DOK6: variants seen among roughly 807,000 people sequenced by gnomAD.
DOK6 encodes the protein docking protein 6, also known as downstream of tyrosine kinase 6.
In DOK6, 22 loss-of-function variants were observed where a neutral mutation model predicts 44.0. The observed-to-expected ratio is 0.50, with a 90% CI of 0.36 to 0.71. DOK6 has a LOEUF of 0.71. Among genes scored for constraint, DOK6 ranks in the 30% least tolerant of loss-of-function variants. The pLI, the probability that DOK6 is intolerant of heterozygous loss-of-function variation, is 0.00. For missense variants in DOK6, 340 were observed against 416.4 expected (o/e 0.82, Z 1.60); for synonymous variants, 166 against 145.5 (o/e 1.14, Z -1.01).
At chr18:69,716,943 G>T (rs1167587217) in intron 5 of DOK6, among the ~76,000 whole-genome samples, 1 of 152,132 alleles carries the variant, frequency 6.6e-6, no homozygotes, top group Non-Finnish European at 1.5e-5. Context: ...TCATTTAAAT[G>T]CATGTCTGGC....
chr18:69,519,664 A>G (rs1981633403), intron 1 of DOK6, among the ~76,000 whole-genome samples: 1 of 151,942 alleles, frequency 6.6e-6, no homozygotes, highest in South Asian at 2.1e-4. Flanking sequence ...TGGAGTGGAG[A>G]CTAAAATGCA....
At chr18:69,428,247 T>A (rs1978699698) in intron 1 of DOK6, among the ~76,000 whole-genome samples, 1 of 152,066 alleles carries the variant, frequency 6.6e-6, no homozygotes, top group Admixed American at 6.5e-5. Flanking sequence ...ATTTCTATAG[T>A]AATCTGCACT....
At chr18:69,410,735 G>A (rs80158261) in intron 1 of DOK6, among the ~76,000 whole-genome samples, 8,564 of 152,222 alleles carry the variant, frequency 0.056, 274 homozygotes, top group Middle Eastern at 0.12. Context: ...TGTCTAATTT[G>A]TGTATTCTCA....
chr18:69,634,707 G>A (rs935039850), intron 3 of DOK6, among the ~76,000 whole-genome samples: 12 of 152,158 alleles, frequency 7.9e-5, no homozygotes, highest in Non-Finnish European at 1.6e-4. Context: ...CAGACCCTGA[G>A]AGAACTTTCT....
At chr18:69,513,859 T>G (rs1294432885) in intron 1 of DOK6, among the ~76,000 whole-genome samples, 1 of 152,210 alleles carries the variant, frequency 6.6e-6, no homozygotes, top group Admixed American at 6.5e-5. Flanking sequence ...AAAATACAAT[T>G]TATAATTAAA....
At chr18:69,464,712 AG>A (rs1979879150) in intron 1 of DOK6, among the ~76,000 whole-genome samples, 1 of 152,232 alleles carries the variant, frequency 6.6e-6, no homozygotes, top group Non-Finnish European at 1.5e-5. Context: ...CTAATTGTGA[AG>A]AAAGTCAGTC....
chr18:69,685,961 A>G (rs1004898798), intron 4 of DOK6, among the ~76,000 whole-genome samples: 8 of 152,126 alleles, frequency 5.3e-5, no homozygotes, highest in African/African-American at 1.2e-4. Flanking sequence ...CGCAAAATGT[A>G]TATGTTGAAG....
chr18:69,596,927 A>T (rs1176579516), intron 2 of DOK6, among the ~76,000 whole-genome samples: 1 of 152,178 alleles, frequency 6.6e-6, no homozygotes, highest in Non-Finnish European at 1.5e-5. Flanking sequence ...TGTATCGACT[A>T]TGGAAATGAC....
chr18:69,846,004 C>A lies in DOK6; in HGVS notation c.*4621C>A, dbSNP rs1982337487. On this transcript the variant is annotated 3_prime_UTR_variant, in exon 8 of 8. Transcript: ENST00000382713. Reference sequence around the variant, plus strand: ...GCTGGATCTGTGAGACAAGCTCACACTCTCATGTGTGCATTCTCTATTAAC... The same window carrying A: ...GCTGGATCTGTGAGACAAGCTCACAATCTCATGTGTGCATTCTCTATTAAC... The A allele has an allele frequency of 6.6e-6, 1 of 152,196 alleles. No individual in the cohort carries two copies. The highest frequency in any genetic ancestry group is 2.4e-5 in the African/African-American group (1 of 41,452). The allele number at this position is 152,196 out of a possible 1,614,324, so 9.4% of individuals were successfully genotyped here.
chr18:69,617,622 A>G (rs1463976789), intron 3 of DOK6, among the ~76,000 whole-genome samples: 2 of 150,874 alleles, frequency 1.3e-5, no homozygotes, highest in East Asian at 3.9e-4. Flanking sequence ...GAAAAGAAAG[A>G]AAGAGGGAGG....
chr18:69,402,243 G>C (rs527581980), intron 1 of DOK6, among the ~76,000 whole-genome samples: 43 of 152,242 alleles, frequency 2.8e-4, no homozygotes, highest in African/African-American at 9.9e-4. Context: ...GAAAGAAAGG[G>C]CCCCTGTTCC....
chr18:69,625,969 G>C (rs1984548697), intron 3 of DOK6, among the ~76,000 whole-genome samples: 2 of 152,266 alleles, frequency 1.3e-5, no homozygotes, highest in South Asian at 2.1e-4. Context: ...AATATGGTCT[G>C]ATCCCTATAT....
At chr18:69,506,856 T>C (rs549399769) in intron 1 of DOK6, among the ~76,000 whole-genome samples, 309 of 151,330 alleles carry the variant, frequency 2.0e-3, no homozygotes, top group African/African-American at 6.8e-3. Context: ...TTTGCATTGC[T>C]TCACACCTTG....
At chr18:69,632,311 A>G (rs1984707752) in intron 3 of DOK6, among the ~76,000 whole-genome samples, 1 of 151,560 alleles carries the variant, frequency 6.6e-6, no homozygotes, top group Non-Finnish European at 1.5e-5. Flanking sequence ...TCTGAAGAAC[A>G]GTTTCATGCA....
chr18:69,813,649 G>T (rs1271170698), intron 7 of DOK6, among the ~76,000 whole-genome samples: 1 of 152,102 alleles, frequency 6.6e-6, no homozygotes, highest in African/African-American at 2.4e-5. Context: ...GTTAAGTGAT[G>T]GGATAGGGGA....
intron 1 of DOK6, among the ~76,000 whole-genome samples, chr18:69,417,882 T>C (rs887371828): frequency 1.3e-5 from 2 of 152,184 alleles, no homozygotes; most frequent in Non-Finnish European, 2.9e-5. Flanking sequence ...GTAGAACTTT[T>C]GCCCATTTTT....
chr18:69,723,866 G>T (rs1320337400), intron 5 of DOK6, among the ~76,000 whole-genome samples: 1 of 152,278 alleles, frequency 6.6e-6, no homozygotes, highest in Non-Finnish European at 1.5e-5. Flanking sequence ...CAGGGCCTTC[G>T]ATTCCACTCA....
chr18:69,629,364 C>A (rs185846896), intron 3 of DOK6, among the ~76,000 whole-genome samples: 21 of 152,052 alleles, frequency 1.4e-4, no homozygotes, highest in Admixed American at 1.2e-3. Context: ...TATTTTTTTT[C>A]AATCATACTC....
intron 3 of DOK6, among the ~76,000 whole-genome samples, chr18:69,638,459 T>G (rs1984860632): frequency 1.3e-5 from 2 of 150,930 alleles, no homozygotes; most frequent in Non-Finnish European, 2.9e-5. Flanking sequence ...GGAACAAGTT[T>G]GTCAAACATT....
Sources: allele counts gnomAD v4.1 joint callset (sites outside exome capture counted in the v4.1 genomes callset), GRCh38; gene constraint gnomAD v4.1.1; transcripts MANE v1.5; gene names NCBI Gene and HGNC (gene_info 2026-07-23, HGNC 2026-07-21).